Variants in PCYOX1 observed in about 807,000 individuals in gnomAD.
PCYOX1 encodes the protein prenylcysteine oxidase 1.
PCYOX1 carries 46 observed loss-of-function variants against 46.4 expected under a neutral mutation model. The observed-to-expected ratio is 0.99, with a 90% CI of 0.78 to 1.27. PCYOX1 has a LOEUF of 1.27. Among genes scored for constraint, PCYOX1 ranks in the 50% most tolerant of loss-of-function variants. PCYOX1 has a pLI of 0.00. For missense variants in PCYOX1, 658 were observed against 628.3 expected (o/e 1.05, Z -0.51); for synonymous variants, 220 against 231.8 (o/e 0.95, Z 0.46).
At chr2:70,262,502 T>A (rs1696455158) in intron 3 of PCYOX1, among the ~76,000 whole-genome samples, 1 of 135,920 alleles carries the variant, frequency 7.4e-6, no homozygotes, top group Non-Finnish European at 1.6e-5. Context: ...TTTTTTGAGA[T>A]GGAGTTTTGC....
In PCYOX1 at chr2:70,277,432, T is replaced by A; in HGVS notation, c.*40T>A. On this transcript the variant is annotated 3_prime_UTR_variant, in exon 6 of 6. Transcript: ENST00000433351. ...TTTTCCCCTCCTAGTTCCAAATGAC[T>A]ATCAGTGGCAAAAAAGAACAAAATC... The A allele has an allele frequency of 6.8e-7, 1 of 1,477,992 alleles. No individual in the cohort carries two copies. The highest frequency in any genetic ancestry group is 1.3e-5 in the South Asian group (1 of 77,760). The allele number at this position is 1,477,992 out of a possible 1,614,324, so 91.6% of individuals were successfully genotyped here.
At chr2:70,269,567 C>A (rs971194093) in intron 3 of PCYOX1, among the ~76,000 whole-genome samples, 6 of 152,122 alleles carry the variant, frequency 3.9e-5, no homozygotes, top group African/African-American at 1.4e-4. Context: ...GAACTCCTAA[C>A]CTCAAGTGAT....
Position 70,276,741 on chromosome 2 carries a change from A to C in PCYOX1, c.867A>C (p.Pro289=). Residue 289 remains proline (P), a synonymous_variant, in exon 6 of 6, where the codon CCA becomes CCC. Transcript: ENST00000433351. ...CCTCCTTATTTCCTCTAGGAAATCC[A>C]ACAAAGATGTATGAAGTGGTCTACC... The part of the protein sequence containing the change: ...EKTKTKYTGN[P]TKMYEVVYQI... The C allele has an allele frequency of 6.4e-7, 1 of 1,569,932 alleles. No homozygotes were observed. Among genetic ancestry groups the C allele is most frequent in the Non-Finnish European group, 8.6e-7 (1 of 1,157,766 alleles).
chr2:70,270,118 C>G (rs956152156), intron 3 of PCYOX1, among the ~76,000 whole-genome samples: 2 of 152,102 alleles, frequency 1.3e-5, no homozygotes, highest in African/African-American at 2.4e-5. Flanking sequence ...CCTCAGCCTC[C>G]TGAATAGCTG....
At position 70,274,755 on chromosome 2, in the gene PCYOX1, G is replaced by A. The variant is rs1176165032; in HGVS notation, c.495-204G>A. The A allele has an allele frequency of 2.5e-5, 14 of 552,482 alleles. No individual in the cohort carries two copies. In the Admixed American group the frequency reaches 4.0e-4, roughly 16 times the overall value. The allele number at this position is 552,482 out of a possible 1,614,324, so 34.2% of individuals were successfully genotyped here. A position where few individuals can be genotyped will look rare whatever the true frequency, so the allele number is the denominator to read the frequency against. On this transcript the variant is annotated intron_variant, in intron 3 of 5. Transcript: ENST00000433351. The stretch of plus-strand genomic sequence containing the variant: ...ATTTTTGTATTTTTAGTAAAGCTGG[G>A]GTTTTGCCATGTTGGCCAGGCTGGT...
At chr2:70,272,340 T>C (rs1359435273) in intron 3 of PCYOX1, among the ~76,000 whole-genome samples, 1 of 151,988 alleles carries the variant, frequency 6.6e-6, no homozygotes, top group Non-Finnish European at 1.5e-5. Context: ...TTGGCCAGGC[T>C]GGTCTCAAAC....
At position 70,258,239 on chromosome 2, in the gene PCYOX1, C is replaced by T. The variant is rs1373213330; in HGVS notation, c.75C>T (p.Pro25=). The change falls in exon 1 of 6, where the codon CCC becomes CCT. Residue 25 remains proline (P), a synonymous_variant. Coordinates refer to ENST00000433351, the MANE Select transcript of PCYOX1 (RefSeq NM_016297.4). ...LWLLLCSCGC[P]EGAELRAPPD... ...TGTTGCTGTGCAGCTGCGGATGCCC[C>T]GAGGGCGCCGAGCTGCGTGCTCCGC... 4 of 1,594,872 alleles carry T rather than the reference C, an allele frequency of 2.5e-6. No homozygotes were observed. The highest frequency in any genetic ancestry group is 1.1e-5 in the South Asian group (1 of 90,358).
Position 70,276,860 on chromosome 2 carries a change from T to C in PCYOX1, c.986T>C (p.Phe329Ser). Reference protein sequence around the residue: ...RKMSNITFLNFDPPIEEFHQY... With the variant: ...RKMSNITFLNSDPPIEEFHQY... ...ATGTCGAATATTACTTTTCTCAACT[T>C]TGATCCTCCAATTGAGGAATTCCAT... The change falls in exon 6 of 6, where the codon TTT becomes TCT. Residue 329 changes from phenylalanine to serine, a missense_variant. Coordinates refer to ENST00000433351, the MANE Select transcript of PCYOX1 (RefSeq NM_016297.4). 2.5e-6 allele frequency: 4 copies of C among 1,613,730 alleles called. No homozygotes were observed. Among genetic ancestry groups the C allele is most frequent in the Non-Finnish European group, 3.4e-6 (4 of 1,179,626 alleles).
rs774760948 is a variant in PCYOX1, at chr2:70,276,950, C to G, written c.1076C>G (p.Ser359Cys). 1.9e-5 allele frequency: 30 copies of G among 1,612,436 alleles called. No individual in the cohort carries two copies. The highest frequency in any genetic ancestry group is 1.6e-4 in the Middle Eastern group (1 of 6,084). The change falls in exon 6 of 6, where the codon TCT (serine) becomes TGT (cysteine). Residue 359 changes from serine (S) to cysteine (C), a missense_variant. Ser to Cys is a moderately radical substitution (Grantham distance 112). Coordinates refer to ENST00000433351, the MANE Select transcript of PCYOX1 (RefSeq NM_016297.4). Reference protein sequence around the residue: ...KGELNTSIFSSRPIDKFGLNT... With the variant: ...KGELNTSIFSCRPIDKFGLNT... Reference sequence around the variant, plus strand: ...GAATTGAATACATCTATCTTTAGCTCTAGACCCATAGATAAATTTGGCCTT... The same window carrying G: ...GAATTGAATACATCTATCTTTAGCTGTAGACCCATAGATAAATTTGGCCTT...
Position 70,280,792 on chromosome 2 carries a change from G to A in PCYOX1, c.*3400G>A, listed in dbSNP as rs1696761967. 1 of 152,074 alleles carries A rather than the reference G, an allele frequency of 6.6e-6. No homozygotes were observed. Among genetic ancestry groups the A allele is most frequent in the Non-Finnish European group, 1.5e-5 (1 of 68,014 alleles). The allele number at this position is 152,074 out of a possible 1,614,324, so 9.4% of individuals were successfully genotyped here. A position where few individuals can be genotyped will look rare whatever the true frequency, so the allele number is the denominator to read the frequency against. On this transcript the variant is annotated 3_prime_UTR_variant, in exon 6 of 6. Transcript: ENST00000433351. Reference sequence around the variant, plus strand: ...GAAATGCCATTTAAGAGTGAGAGAGGTATATATCTATGAGCCATTGTGTTT... The same window carrying A: ...GAAATGCCATTTAAGAGTGAGAGAGATATATATCTATGAGCCATTGTGTTT...
intron 1 of PCYOX1, among the ~76,000 whole-genome samples, chr2:70,258,861 A>G (rs1696387188): frequency 6.6e-6 from 1 of 152,208 alleles, no homozygotes; most frequent in African/African-American, 2.4e-5. Context: ...TTCTCTTTCC[A>G]CTGTCAAGAG....
At chr2:70,265,130 G>A (rs572809982) in intron 3 of PCYOX1, among the ~76,000 whole-genome samples, 1 of 151,910 alleles carries the variant, frequency 6.6e-6, no homozygotes, top group African/African-American at 2.4e-5. Flanking sequence ...ATCAGCACTA[G>A]CTAGCTTAAT....
Position 70,271,493 on chromosome 2 carries a change from C to T in PCYOX1, c.495-3466C>T, listed in dbSNP as rs1457665409. ...TATAAATATTGTCATATTTAAAATG[C>T]TTGAAAGGCGTGAATTCTCCATTAA... On this transcript the variant is annotated intron_variant, in intron 3 of 5. Coordinates refer to ENST00000433351, the MANE Select transcript of PCYOX1 (RefSeq NM_016297.4). Among the ~76,000 whole-genome samples, 4 of 152,112 alleles carry T rather than the reference C, an allele frequency of 2.6e-5. No individual in the cohort carries two copies. In the East Asian group the frequency reaches 7.7e-4, roughly 29 times the overall value.
At chr2:70,261,935 A>G (rs554043117) in intron 3 of PCYOX1, among the ~76,000 whole-genome samples, 10 of 152,364 alleles carry the variant, frequency 6.6e-5, no homozygotes, top group African/African-American at 2.4e-4. Flanking sequence ...AGCCTGAAGT[A>G]GAGTAAAAGT....
chr2:70,259,275 T>G, intron 1 of PCYOX1, 85 bp from the exon 2 acceptor site: 2 of 1,213,590 alleles, frequency 1.6e-6, no homozygotes, highest in Non-Finnish European at 2.4e-6. Flanking sequence ...TAACAACCTC[T>G]GCTATTGATG....
rs1392480778 is a variant in PCYOX1 at position 70,261,238 on chromosome 2, G to A, written c.346G>A (p.Gly116Ser). The change falls in exon 3 of 6, where the codon GGC (glycine) becomes AGC (serine). Residue 116 changes from glycine (G) to serine (S), a missense_variant. Coordinates refer to ENST00000433351, the MANE Select transcript of PCYOX1 (RefSeq NM_016297.4). ...LGLSAVQASG[G>S]LLGIYNGETL... ...TCTCTCTGCTGTTCAGGCCTCTGGT[G>A]GCCTACTGGGGATATATAATGGAGA... 1 of 1,611,622 alleles carries A rather than the reference G, an allele frequency of 6.2e-7. No homozygotes were observed. Among genetic ancestry groups the A allele is most frequent in the Non-Finnish European group, 8.5e-7 (1 of 1,177,884 alleles).
chr2:70,261,212 G>GTTTC lies in PCYOX1; in HGVS notation c.321_322insTTCT (p.Leu108PhefsTer16), dbSNP rs1559033534. 3.1e-6 allele frequency: 5 copies of GTTTC among 1,604,744 alleles called. No homozygotes were observed. Among genetic ancestry groups the GTTTC allele is most frequent in the Admixed American group, 1.7e-5 (1 of 59,478 alleles). ...TTAGCTGTGCTTTATGTTTTTGCAG[G>GTTTC]TCTCTCTGCTGTTCAGGCCTCTGGT... On this transcript the variant is annotated frameshift_variant and splice_region_variant, in exon 3 of 6. Transcript: ENST00000433351. LOFTEE classifies it high-confidence loss of function.
intron 3 of PCYOX1, among the ~76,000 whole-genome samples, chr2:70,269,948 G>T (rs1696578671): frequency 6.6e-6 from 1 of 152,086 alleles, no homozygotes; most frequent in Non-Finnish European, 1.5e-5. Flanking sequence ...ATTGCAGTTG[G>T]AAGGGTGCTG....
At chr2:70,258,956 A>G (rs1468753391) in intron 1 of PCYOX1, among the ~76,000 whole-genome samples, 2 of 151,776 alleles carry the variant, frequency 1.3e-5, no homozygotes, top group South Asian at 2.1e-4. Flanking sequence ...TCATTAACCT[A>G]TCTACATTGA....
Sources: allele counts gnomAD v4.1 joint callset (sites outside exome capture counted in the v4.1 genomes callset), GRCh38; gene constraint gnomAD v4.1.1; transcripts MANE v1.5; gene names NCBI Gene and HGNC (gene_info 2026-07-23, HGNC 2026-07-21).